CCDC102B: variants seen among roughly 807,000 people sequenced by gnomAD.
The protein encoded by CCDC102B is coiled-coil domain-containing protein 102B.
CCDC102B carries 75 observed loss-of-function variants against 57.4 expected under a neutral mutation model. That is an observed-to-expected ratio of 1.31 (90% CI 1.08 to 1.58). CCDC102B has a LOEUF of 1.58. Among genes scored for constraint, CCDC102B ranks in the 40% most tolerant of loss-of-function variants. The probability of loss-of-function intolerance (pLI) is 0.00; values close to 1 mark genes in which losing one functional copy is unlikely to be tolerated. For synonymous variants in CCDC102B, 206 were observed against 201.9 expected, an observed-to-expected ratio of 1.02 and a Z score of -0.17; for missense variants, 636 against 582.6, an observed-to-expected ratio of 1.09 and a Z score of -0.94.
chr18:68,807,141 A>AT, intron 1 of CCDC102B, among the ~76,000 whole-genome samples: 1 of 152,226 alleles, frequency 6.6e-6, no homozygotes. Context: ...TATAGCTCTC[A>AT]TGTTATCATA....
At chr18:68,966,083 G>A (rs142206424) in intron 6 of CCDC102B, among the ~76,000 whole-genome samples, 131 of 152,234 alleles carry the variant, frequency 8.6e-4, no homozygotes, top group African/African-American at 3.0e-3. Context: ...ACACTGTGGT[G>A]TGGTTTTATA....
intron 6 of CCDC102B, among the ~76,000 whole-genome samples, chr18:68,924,357 G>T (rs1278378668): frequency 1.3e-5 from 2 of 151,960 alleles, no homozygotes; most frequent in Admixed American, 1.3e-4. Context: ...AGATCTGATG[G>T]TTTAATAAGG....
At chr18:68,966,844 G>A (rs932603581) in intron 6 of CCDC102B, among the ~76,000 whole-genome samples, 3 of 152,064 alleles carry the variant, frequency 2.0e-5, no homozygotes, top group African/African-American at 7.2e-5. Context: ...CCCTCCTCCA[G>A]AGAGTTCTTT....
At chr18:68,807,987 T>G (rs2036093144) in intron 1 of CCDC102B, among the ~76,000 whole-genome samples, 1 of 152,176 alleles carries the variant, frequency 6.6e-6, no homozygotes, top group Admixed American at 6.5e-5. Context: ...TTTGAGCAAC[T>G]AATCTTCGAA....
intron 6 of CCDC102B, among the ~76,000 whole-genome samples, chr18:68,964,717 G>C (rs2050127978): frequency 6.6e-6 from 1 of 151,682 alleles, no homozygotes; most frequent in African/African-American, 2.4e-5. Flanking sequence ...TGATGTTCTA[G>C]GGTTAGTTCT....
At chr18:68,894,868 TG>T (rs1174464235) in intron 5 of CCDC102B, among the ~76,000 whole-genome samples, 1 of 151,898 alleles carries the variant, frequency 6.6e-6, no homozygotes, top group African/African-American at 2.4e-5. Context: ...ATTCAGACCA[TG>T]TATTACTTAT....
At chr18:68,876,217 T>A (rs1257942495) in intron 5 of CCDC102B, among the ~76,000 whole-genome samples, 2 of 152,196 alleles carry the variant, frequency 1.3e-5, no homozygotes, top group South Asian at 4.1e-4. Flanking sequence ...AATCTTTAGT[T>A]CTGCGAATAT....
intron 1 of CCDC102B, among the ~76,000 whole-genome samples, chr18:68,818,439 C>T (rs2036573414): frequency 6.6e-6 from 1 of 152,068 alleles, no homozygotes; most frequent in African/African-American, 2.4e-5. Context: ...ATATGCAGCT[C>T]AACGAACTTT....
chr18:68,922,895 A>C (rs1404343644), intron 6 of CCDC102B, among the ~76,000 whole-genome samples: 2 of 152,070 alleles, frequency 1.3e-5, no homozygotes, highest in Non-Finnish European at 2.9e-5. Context: ...CTTGGGTATA[A>C]ATTTTATTAT....
chr18:68,752,878 G>A (rs2033913227), intron 2 of CCDC102B, among the ~76,000 whole-genome samples: 1 of 151,912 alleles, frequency 6.6e-6, no homozygotes, highest in South Asian at 2.1e-4. Flanking sequence ...AAATATTCTG[G>A]TTCCTACATC....
intron 2 of CCDC102B, among the ~76,000 whole-genome samples, chr18:68,760,144 T>G (rs920092960): frequency 6.6e-6 from 1 of 152,150 alleles, no homozygotes; most frequent in East Asian, 1.9e-4. Flanking sequence ...TTGCTTCTTC[T>G]CATAGCCATT....
chr18:68,822,559 G>A (rs1227428197), intron 1 of CCDC102B, among the ~76,000 whole-genome samples: 3 of 151,938 alleles, frequency 2.0e-5, no homozygotes, highest in Non-Finnish European at 2.9e-5. Context: ...TAAGGTACCT[G>A]TGCAGGTTTG....
intron 6 of CCDC102B, among the ~76,000 whole-genome samples, chr18:68,911,751 C>CAAAAAAAAAAAAAAAAAAA (rs74175338): frequency 1.7e-4 from 3 of 18,004 alleles, no homozygotes; most frequent in African/African-American, 1.9e-4. Flanking sequence ...GACTCCGTCT[C>CAAAAAAAAAAAAAAAAAAA]AAAAAAAAAA....
intron 3 of CCDC102B, among the ~76,000 whole-genome samples, chr18:68,843,970 TA>T (rs33926572): frequency 0.6 from 90,406 of 151,342 alleles, 27,212 homozygotes; most frequent in Non-Finnish European, 0.62. Flanking sequence ...ATCTAAATAC[TA>T]AAAAAAAATT....
chr18:68,799,893 T>G (rs1334045208), intron 1 of CCDC102B, among the ~76,000 whole-genome samples: 1 of 152,262 alleles, frequency 6.6e-6, no homozygotes, highest in East Asian at 1.9e-4. Context: ...TAGAGCATCT[T>G]AACATTGCAC....
intron 3 of CCDC102B, 59 bp from the exon 4 acceptor site, chr18:68,846,254 C>A: frequency 2.7e-6 from 3 of 1,105,826 alleles, no homozygotes; most frequent in South Asian, 2.4e-5. Flanking sequence ...TGAATGCATC[C>A]TTGAAAGTAT....
chr18:68,987,064 C>T (rs1005834651), intron 6 of CCDC102B, among the ~76,000 whole-genome samples: 5 of 152,098 alleles, frequency 3.3e-5, no homozygotes, highest in Non-Finnish European at 2.9e-5. Context: ...GAATTGGAAA[C>T]GTCTATTCTT....
At chr18:68,910,803 A>T (rs1252594620) in intron 6 of CCDC102B, among the ~76,000 whole-genome samples, 1 of 152,158 alleles carries the variant, frequency 6.6e-6, no homozygotes, top group East Asian at 1.9e-4. Flanking sequence ...TTCTTTAGGC[A>T]TTACAGTCTT....
intron 2 of CCDC102B, among the ~76,000 whole-genome samples, chr18:68,727,748 G>A (rs913119449): frequency 6.6e-6 from 1 of 152,194 alleles, no homozygotes; most frequent in Non-Finnish European, 1.5e-5. Context: ...CTTGTGTCCA[G>A]CAGCTAGTAA....
Sources: allele counts gnomAD v4.1 joint callset (sites outside exome capture counted in the v4.1 genomes callset), GRCh38; gene constraint gnomAD v4.1.1; transcripts MANE v1.5; gene names NCBI Gene and HGNC (gene_info 2026-07-23, HGNC 2026-07-21).